The following TOX3 variants were observed in gnomAD, a reference collection of about 807,000 sequenced individuals.
The protein encoded by TOX3 is CAG trinucleotide repeat-containing gene F9 protein.
Under a neutral mutation model 64.3 loss-of-function variants are expected in TOX3, and 22 were observed. That is an observed-to-expected ratio of 0.34 (90% CI 0.24 to 0.49). The LOEUF (loss-of-function observed/expected upper bound fraction) is 0.49. Among genes scored for constraint, TOX3 ranks in the 20% least tolerant of loss-of-function variants. The pLI is 0.99. For synonymous variants in TOX3, 291 were observed against 273.6 expected, an observed-to-expected ratio of 1.06 and a Z score of -0.63; for missense variants, 661 against 714.4, an observed-to-expected ratio of 0.93 and a Z score of 0.85.
chr16:52,535,450 A>T (rs1379289562), intron 1 of TOX3, among the ~76,000 whole-genome samples: 1 of 152,074 alleles, frequency 6.6e-6, no homozygotes, highest in Non-Finnish European at 1.5e-5. Flanking sequence ...CAAACCATGG[A>T]GGTTGACTAG....
intron 1 of TOX3, among the ~76,000 whole-genome samples, chr16:52,495,049 G>T (rs1192110072): frequency 6.6e-6 from 1 of 152,216 alleles, no homozygotes; most frequent in Non-Finnish European, 1.5e-5. Context: ...ACTTGCTGGG[G>T]TTAGGTACGT....
intron 1 of TOX3, among the ~76,000 whole-genome samples, chr16:52,514,586 G>A (rs1438169585): frequency 3.3e-5 from 5 of 152,196 alleles, no homozygotes; most frequent in Admixed American, 3.3e-4. Context: ...AAGGCTATGG[G>A]AGGATGAGTA....
At position 52,439,180 on chromosome 16, in the gene TOX3, T is replaced by A; in HGVS notation, c.*45A>T. On this transcript the variant is annotated 3_prime_UTR_variant, in exon 7 of 7. Transcript: ENST00000219746. ...CAGCCACATATGCTTTTCCCTCCTA[T>A]GCCACTCTCCTTGGTATACGCAAAT... is the stretch of plus-strand genomic sequence containing the variant. 3 of 1,612,738 alleles carry A rather than the reference T, an allele frequency of 1.9e-6. No individual in the cohort carries two copies. The highest frequency in any genetic ancestry group is 2.5e-6 in the Non-Finnish European group (3 of 1,179,398).
chr16:52,532,565 G>A (rs894469255), intron 1 of TOX3, among the ~76,000 whole-genome samples: 1 of 152,186 alleles, frequency 6.6e-6, no homozygotes, highest in Non-Finnish European at 1.5e-5. Context: ...GCCCTTCTGA[G>A]CCCAACCTAA....
At chr16:52,461,987 A>T (rs1421226273) in intron 3 of TOX3, among the ~76,000 whole-genome samples, 1 of 152,116 alleles carries the variant, frequency 6.6e-6, no homozygotes, top group Non-Finnish European at 1.5e-5. Flanking sequence ...GTCCTAGTAC[A>T]TTTTATTTTT....
chr16:52,491,261 T>C (rs1278353340), intron 1 of TOX3, among the ~76,000 whole-genome samples: 1 of 152,028 alleles, frequency 6.6e-6, no homozygotes, highest in Non-Finnish European at 1.5e-5. Flanking sequence ...AAGGATCCTT[T>C]TCTGTTAACA....
chr16:52,546,741 G>T lies in TOX3; in HGVS notation c.-18C>A. The T allele has an allele frequency of 6.7e-7, 1 of 1,502,970 alleles. No individual in the cohort carries two copies. The highest frequency in any genetic ancestry group is 8.8e-7 in the Non-Finnish European group (1 of 1,130,938). 93.1% of individuals were successfully genotyped at this position (1,502,970 alleles called of 1,614,324 possible). A position where few individuals can be genotyped will look rare whatever the true frequency, so the allele number is the denominator to read the frequency against. On this transcript the variant is annotated 5_prime_UTR_variant, in exon 1 of 7. Transcript: ENST00000219746. Reference sequence around the variant, plus strand: ...ACATCCATGCCGAAGCTGGGCCCGGGGCCGGGGGCCGGGACTGGGGTTCGC... The same window carrying T: ...ACATCCATGCCGAAGCTGGGCCCGGTGCCGGGGGCCGGGACTGGGGTTCGC...
intron 3 of TOX3, 77 bp from the exon 4 acceptor site, chr16:52,450,623 TTAGA>T: frequency 6.4e-7 from 1 of 1,567,064 alleles, no homozygotes. Context: ...TAGCATCTCC[TTAGA>T]TAGGTTTGAA....
intron 6 of TOX3, among the ~76,000 whole-genome samples, chr16:52,441,796 A>G (rs1236783129): frequency 6.6e-6 from 1 of 152,200 alleles, no homozygotes. Flanking sequence ...GTTTGAACAC[A>G]TGTCATCATT....
chr16:52,546,393 T>C (rs1963187012), intron 1 of TOX3, among the ~76,000 whole-genome samples: 1 of 146,246 alleles, frequency 6.8e-6, no homozygotes, highest in Non-Finnish European at 1.5e-5. Flanking sequence ...AAGGAGAGTC[T>C]GGCGGGGAGG....
intron 1 of TOX3, among the ~76,000 whole-genome samples, chr16:52,545,462 G>A (rs1397701542): frequency 6.6e-6 from 1 of 152,170 alleles, no homozygotes; most frequent in Non-Finnish European, 1.5e-5. Flanking sequence ...CATCAGCCAC[G>A]GGGCACAGCA....
intron 1 of TOX3, among the ~76,000 whole-genome samples, chr16:52,516,342 T>G (rs188662620): frequency 1.6e-4 from 24 of 152,220 alleles, no homozygotes; most frequent in Admixed American, 5.2e-4. Context: ...GATAGACACA[T>G]AAATGAAAAC....
intron 2 of TOX3, 80 bp from the exon 3 acceptor site, chr16:52,464,268 T>C: frequency 7.3e-7 from 1 of 1,368,344 alleles, no homozygotes. Context: ...AGAAAGACAT[T>C]GCATGAAAAC....
chr16:52,441,404 C>T (rs1259783476), intron 6 of TOX3, among the ~76,000 whole-genome samples: 2 of 152,162 alleles, frequency 1.3e-5, no homozygotes, highest in East Asian at 3.9e-4. Flanking sequence ...AAATGTTCAA[C>T]TTCATGGGAC....
intron 3 of TOX3, among the ~76,000 whole-genome samples, chr16:52,458,357 G>A (rs989581320): frequency 5.3e-5 from 8 of 152,228 alleles, no homozygotes; most frequent in East Asian, 3.9e-4. Flanking sequence ...TGCAAAGGAC[G>A]ACAAGGGCTG....
In TOX3 at chr16:52,468,694, C is replaced by T. The variant is rs143612210; in HGVS notation, c.88-120G>A. ...GAGTTTTATCAGCCCAAATGCAAAA[C>T]ATGACAAAGGTTTCAAGGCTATACT... On this transcript the variant is annotated intron_variant, in intron 1 of 6. Transcript: ENST00000219746. The T allele has an allele frequency of 7.7e-5, 56 of 731,912 alleles. No individual in the cohort carries two copies. In the Middle Eastern group the frequency reaches 2.3e-3, roughly 30 times the overall value. 45.3% of individuals were successfully genotyped at this position (731,912 alleles called of 1,614,324 possible).
chr16:52,499,243 G>C (rs1028868232), intron 1 of TOX3, among the ~76,000 whole-genome samples: 1 of 152,200 alleles, frequency 6.6e-6, no homozygotes, highest in Non-Finnish European at 1.5e-5. Context: ...CCACACCAGA[G>C]CCTTAGCAAT....
intron 6 of TOX3, among the ~76,000 whole-genome samples, chr16:52,440,752 CT>C (rs60615310): frequency 0.024 from 1,566 of 66,448 alleles, 8 homozygotes; most frequent in African/African-American, 0.061. Flanking sequence ...TTCTTTCTTT[CT>C]TTTTTTTTTT....
intron 1 of TOX3, among the ~76,000 whole-genome samples, chr16:52,511,770 G>C (rs1189011498): frequency 1.3e-5 from 2 of 152,180 alleles, no homozygotes; most frequent in Non-Finnish European, 2.9e-5. Flanking sequence ...TTTGAAGAGT[G>C]AGTCAGAAAA....
Sources: gnomAD v4.1 joint callset for allele counts (sites outside exome capture counted in the v4.1 genomes callset) on GRCh38, gnomAD v4.1.1 for gene constraint, MANE v1.5 for transcripts, NCBI Gene and HGNC (gene_info 2026-07-23, HGNC 2026-07-21) for gene names.